HAGH: variants seen among roughly 807,000 people sequenced by gnomAD.
HAGH encodes the protein hydroxyacylglutathione hydrolase, mitochondrial.
HAGH carries 29 observed loss-of-function variants against 35.1 expected under a neutral mutation model. That is an observed-to-expected ratio of 0.83 (90% CI 0.62 to 1.13). HAGH has a LOEUF of 1.13. Ranked by LOEUF, HAGH falls within the 50% of genes most tolerant of loss-of-function variation. The pLI is 0.00. For missense variants in HAGH, 478 were observed against 419.6 expected, an observed-to-expected ratio of 1.14 and a Z score of -1.22; for synonymous variants, 225 against 176.1, an observed-to-expected ratio of 1.28 and a Z score of -2.20.
At chr16:1,819,047 G>A in intron 5 of HAGH, 68 bp downstream of exon 5, 1 of 997,612 alleles carries the variant, frequency 1.0e-6, no homozygotes, top group Non-Finnish European at 1.6e-6. Flanking sequence ...TGCCCCGTGA[G>A]CCTGCCTGGC....
In HAGH at chr16:1,808,955, C is replaced by T; in HGVS notation, c.*328G>A. 1 of 313,056 alleles carries T rather than the reference C, an allele frequency of 3.2e-6. No individual in the cohort carries two copies. Among genetic ancestry groups the T allele is most frequent in the Non-Finnish European group, 5.9e-6 (1 of 168,296 alleles). The allele number at this position is 313,056 out of a possible 1,614,324, so 19.4% of individuals were successfully genotyped here. A position where few individuals can be genotyped will look rare whatever the true frequency, so the allele number is the denominator to read the frequency against. The stretch of plus-strand genomic sequence containing the variant: ...GCAGTGGGCCTGACAGTCCCATCAG[C>T]ACCCAGCCAAGGCCACAGCAAAGGC... On this transcript the variant is annotated 3_prime_UTR_variant, in exon 9 of 9. Transcript: ENST00000397356.
chr16:1,816,662 C>T (rs900316507), intron 7 of HAGH, among the ~76,000 whole-genome samples: 3 of 152,222 alleles, frequency 2.0e-5, no homozygotes, highest in African/African-American at 4.8e-5. Flanking sequence ...ACAGGCTGGG[C>T]GCTTTTTACA....
intron 1 of HAGH, among the ~76,000 whole-genome samples, chr16:1,826,342 G>A (rs1898417676): frequency 6.7e-6 from 1 of 150,320 alleles, no homozygotes; most frequent in Admixed American, 6.6e-5. Context: ...CAGGTGCGGG[G>A]TGGGCCAGGC....
chr16:1,818,182 A>G (rs1032011001), intron 5 of HAGH, among the ~76,000 whole-genome samples: 9 of 152,126 alleles, frequency 5.9e-5, no homozygotes, highest in African/African-American at 2.2e-4. Context: ...TGCGCCAGGC[A>G]CACAGCCCAG....
intron 7 of HAGH, among the ~76,000 whole-genome samples, chr16:1,811,588 C>T (rs1897650431): frequency 6.6e-6 from 1 of 152,288 alleles, no homozygotes; most frequent in African/African-American, 2.4e-5. Context: ...TGGCACATGT[C>T]TGTAATTCCA....
At chr16:1,826,527 G>T in intron 1 of HAGH, 185 bp downstream of exon 1, 1 of 980,920 alleles carries the variant, frequency 1.0e-6, no homozygotes, top group Non-Finnish European at 1.2e-6. Context: ...CCGCACCCGC[G>T]GCCCCGCGCC....
Position 1,818,850 on chromosome 16 carries a change from C to T in HAGH, c.541+265G>A, listed in dbSNP as rs529700966. On this transcript the variant is annotated intron_variant, in intron 5 of 8. Transcript: ENST00000397356. Reference sequence around the variant, plus strand: ...TGCTGGAAGAAACTGACTCCTTTCCCGTGGGACCCGCCCGGACCCCAGCTG... The same window carrying T: ...TGCTGGAAGAAACTGACTCCTTTCCTGTGGGACCCGCCCGGACCCCAGCTG... 1.5e-4 allele frequency: 73 copies of T among 474,384 alleles called. No homozygotes were observed. In the South Asian group the frequency reaches 1.8e-3, roughly 12 times the overall value. 29.4% of individuals were successfully genotyped at this position (474,384 alleles called of 1,614,324 possible). A position where few individuals can be genotyped will look rare whatever the true frequency, so the allele number is the denominator to read the frequency against.
intron 7 of HAGH, among the ~76,000 whole-genome samples, chr16:1,811,855 T>A (rs528371322): frequency 5.3e-4 from 80 of 152,070 alleles, no homozygotes; most frequent in Middle Eastern, 3.4e-3. Context: ...GGTAAAATGA[T>A]TTATGGGTGA....
rs1474900930 is a variant in HAGH at position 1,817,479 on chromosome 16, C to T, written c.542-208G>A. Among the ~76,000 whole-genome samples, 3 of 152,318 alleles carry T rather than the reference C, an allele frequency of 2.0e-5. No individual in the cohort carries two copies. In the East Asian group the frequency reaches 5.8e-4, roughly 29 times the overall value. On this transcript the variant is annotated intron_variant, in intron 5 of 8. Coordinates refer to ENST00000397356, the MANE Select transcript of HAGH (RefSeq NM_005326.6). ...CTCAGCTGACAGTCCAACCACCCAA[C>T]TGGCCGAGCAGACCCGAAACCCAAG... is the stretch of plus-strand genomic sequence containing the variant.
chr16:1,826,502 C>G, intron 1 of HAGH: 6 of 960,284 alleles, frequency 6.2e-6, no homozygotes, highest in Non-Finnish European at 7.4e-6. Flanking sequence ...CCTGGCCCTG[C>G]TTACCTAGCG....
chr16:1,818,421 T>C (rs1319525582), intron 5 of HAGH: 2 of 152,340 alleles, frequency 1.3e-5, no homozygotes, highest in Non-Finnish European at 2.9e-5. Flanking sequence ...CCTGCACCCC[T>C]GGTTTGACTC....
At chr16:1,820,346 A>C (rs74002499) in intron 3 of HAGH, among the ~76,000 whole-genome samples, 1,606 of 129,616 alleles carry the variant, frequency 0.012, 5 homozygotes, top group East Asian at 0.021. Context: ...GGGTCTGGGG[A>C]GAGGCCTGGG....
chr16:1,819,702 C>T, intron 4 of HAGH, 195 bp downstream of exon 4: 1 of 619,780 alleles, frequency 1.6e-6, no homozygotes, highest in Non-Finnish European at 2.9e-6. Flanking sequence ...GCTTCACAGC[C>T]CCGCACACAG....
chr16:1,824,521 C>T (rs1490655643), intron 1 of HAGH, among the ~76,000 whole-genome samples: 1 of 151,698 alleles, frequency 6.6e-6, no homozygotes, highest in African/African-American at 2.4e-5. Context: ...CTGGGGGCCC[C>T]GACAATACCT....
Position 1,809,349 on chromosome 16 carries a change from C to A in HAGH, c.861G>T (p.Thr287=), listed in dbSNP as rs753523074. ...EKTVQQHAGE[T]DPVTTMRAVR... ...CGGCCCGCATGGTGGTCACCGGGTC[C>A]GTCTCACCTGCGTGCTGCTGCACCG... Residue 287 remains threonine (T), a synonymous_variant, in exon 9 of 9, where the codon ACG becomes ACT. Coordinates refer to ENST00000397356, the MANE Select transcript of HAGH (RefSeq NM_005326.6). 2 of 1,613,254 alleles carry A rather than the reference C, an allele frequency of 1.2e-6. No homozygotes were observed. Among genetic ancestry groups the A allele is most frequent in the Admixed American group, 3.3e-5 (2 of 60,020 alleles).
In HAGH at chr16:1,819,180, G is replaced by C. The variant is rs375108482; in HGVS notation, c.476C>G (p.Thr159Ser). 6.2e-7 allele frequency: 1 copy of C among 1,613,262 alleles called. No individual in the cohort carries two copies. The highest frequency in any genetic ancestry group is 2.2e-5 in the East Asian group (1 of 44,882). ...CACGAAGTAACAAATGTGTCCTGAA[G>C]TGTGGCACGGGGTCGCCAGGCACTT... The part of the protein sequence containing the change: ...NVKCLATPCH[T>S]SGHICYFVSK... The change falls in exon 5 of 9, where the codon ACT becomes AGT. Residue 159 changes from threonine to serine, a missense_variant. By Grantham distance (58) the Thr-to-Ser change is moderately conservative. Coordinates refer to ENST00000397356, the MANE Select transcript of HAGH (RefSeq NM_005326.6).
rs985671655 is a variant in HAGH at position 1,807,952 on chromosome 16, T to C, written c.*1331A>G. Reference sequence around the variant, plus strand: ...CCCTCCACTCAGAAGAGTCTGTCTATAGGACCAGGTGGCAGAGGGTGTGGG... The same window carrying C: ...CCCTCCACTCAGAAGAGTCTGTCTACAGGACCAGGTGGCAGAGGGTGTGGG... On this transcript the variant is annotated 3_prime_UTR_variant, in exon 9 of 9. Transcript: ENST00000397356. The C allele has an allele frequency of 6.6e-6, 1 of 152,224 alleles. No individual in the cohort carries two copies. Among genetic ancestry groups the C allele is most frequent in the African/African-American group, 2.4e-5 (1 of 41,434 alleles). 9.4% of individuals were successfully genotyped at this position (152,224 alleles called of 1,614,324 possible).
At chr16:1,809,572 G>A (rs1596905580) in intron 8 of HAGH, 182 bp downstream of exon 8, 9 of 666,926 alleles carry the variant, frequency 1.3e-5, no homozygotes, top group Non-Finnish European at 2.4e-5. Flanking sequence ...TCACACCCCG[G>A]CCAAGGTGCC....
Position 1,809,141 on chromosome 16 carries a change from A to G in HAGH, c.*142T>C. The stretch of plus-strand genomic sequence containing the variant: ...TACTTGTTAAACTTCTCTTATAAAT[A>G]TGCATTAGAATGTCCGATAACACAA... On this transcript the variant is annotated 3_prime_UTR_variant, in exon 9 of 9. Transcript: ENST00000397356. The G allele has an allele frequency of 1.6e-6, 1 of 633,060 alleles. No individual in the cohort carries two copies. Among genetic ancestry groups the G allele is most frequent in the South Asian group, 2.1e-5 (1 of 48,004 alleles). The allele number at this position is 633,060 out of a possible 1,614,324, so 39.2% of individuals were successfully genotyped here.
Sources: gnomAD v4.1 joint callset for allele counts (sites outside exome capture counted in the v4.1 genomes callset) on GRCh38, gnomAD v4.1.1 for gene constraint, MANE v1.5 for transcripts, NCBI Gene and HGNC (gene_info 2026-07-23, HGNC 2026-07-21) for gene names.